The following CCDC90B variants were observed in gnomAD, a reference collection of about 807,000 sequenced individuals.
CCDC90B encodes coiled-coil domain containing 90B, also known as coiled-coil domain-containing protein 90B, mitochondrial.
In CCDC90B, 24 loss-of-function variants were observed where a neutral mutation model predicts 37.0. The observed-to-expected ratio is 0.65, with a 90% confidence interval of 0.47 to 0.91. The LOEUF (loss-of-function observed/expected upper bound fraction) is 0.91. CCDC90B is among the 40% of genes least tolerant of loss of function. CCDC90B has a pLI of 0.00. For missense variants in CCDC90B, 319 were observed against 299.0 expected, an observed-to-expected ratio of 1.07 and a Z score of -0.49; for synonymous variants, 113 against 101.1, an observed-to-expected ratio of 1.12 and a Z score of -0.71.
rs551718843 is a variant in CCDC90B, at chr11:83,260,442, T to C, written c.*1469A>G. The C allele has an allele frequency of 4.2e-4, 64 of 152,294 alleles. No homozygotes were observed. The highest frequency in any genetic ancestry group is 1.4e-3 in the African/African-American group (57 of 41,564). The allele number at this position is 152,294 out of a possible 1,614,324, so 9.4% of individuals were successfully genotyped here. On this transcript the variant is annotated 3_prime_UTR_variant, in exon 9 of 9. Transcript: ENST00000529689. ...ATATACTAAGAACTCTCTTAGGCAA[T>C]AGAGATAAAAATGAATCAGAATGTA...
chr11:83,265,779 T>G (rs1022249654), intron 8 of CCDC90B, 86 bp downstream of exon 8: 1 of 800,706 alleles, frequency 1.2e-6, no homozygotes, highest in Admixed American at 2.4e-5. Flanking sequence ...GCTCCTCCTT[T>G]TTTTCCTGTG....
chr11:83,284,220 C>T (rs1397745272), intron 1 of CCDC90B, among the ~76,000 whole-genome samples: 1 of 152,168 alleles, frequency 6.6e-6, no homozygotes, highest in Non-Finnish European at 1.5e-5. Flanking sequence ...AAAGGTTTAA[C>T]CAGTTTCACA....
At chr11:83,281,307 TATTG>T in intron 1 of CCDC90B, among the ~76,000 whole-genome samples, 1 of 152,198 alleles carries the variant, frequency 6.6e-6, no homozygotes. Flanking sequence ...GCCTAATGAA[TATTG>T]ATTGAGTGCT....
intron 7 of CCDC90B, among the ~76,000 whole-genome samples, chr11:83,267,972 T>A (rs1013843882): frequency 1.3e-5 from 2 of 151,988 alleles, no homozygotes; most frequent in Non-Finnish European, 2.9e-5. Context: ...CTTATAGAAT[T>A]TTCAACCCAG....
In CCDC90B at chr11:83,286,235, T is replaced by C; in HGVS notation, c.-263A>G. The C allele has an allele frequency of 6.7e-7, 1 of 1,498,830 alleles. No homozygotes were observed. The highest frequency in any genetic ancestry group is 9.0e-7 in the Non-Finnish European group (1 of 1,116,590). 92.8% of individuals were successfully genotyped at this position (1,498,830 alleles called of 1,614,324 possible). ...CGACCTTTGAACGCCTTCACCGCCC[T>C]AGGAAAGCGAGATCTTGTCAGAGAA... On this transcript the variant is annotated 5_prime_UTR_variant, in exon 1 of 9. It removes the in-frame stop codon of an upstream open reading frame in the 5' UTR. Coordinates refer to ENST00000529689, the MANE Select transcript of CCDC90B (RefSeq NM_021825.5).
chr11:83,281,614 A>T (rs1024135292), intron 1 of CCDC90B, among the ~76,000 whole-genome samples: 1 of 152,192 alleles, frequency 6.6e-6, no homozygotes, highest in Admixed American at 6.5e-5. Context: ...CTAGAAGGGT[A>T]AAGAACTATG....
At position 83,278,831 on chromosome 11, in the gene CCDC90B, T is replaced by A. The variant is rs1481728177; in HGVS notation, c.221-2A>T. 1 of 1,598,252 alleles carries A rather than the reference T, an allele frequency of 6.3e-7. No homozygotes were observed. Among genetic ancestry groups the A allele is most frequent in the African/African-American group, 1.3e-5 (1 of 74,726 alleles). On this transcript the variant is annotated splice_acceptor_variant, in intron 2 of 8. Coordinates refer to ENST00000529689, the MANE Select transcript of CCDC90B (RefSeq NM_021825.5). LOFTEE classifies it high-confidence loss of function. ...TTTCTGCTTGTGTTTTGTCAAATCC[T>A]GTAGGCAGCAAATAGGTATTTTATT... is the stretch of plus-strand genomic sequence containing the variant.
rs986427572 is a variant in CCDC90B at position 83,268,013 on chromosome 11, A to G, written c.595-2034T>C. 6.4e-4 allele frequency among the ~76,000 whole-genome samples: 98 copies of G among 152,176 alleles called. 1 individual carries two copies. Among genetic ancestry groups the G allele is most frequent in the African/African-American group, 2.3e-3 (95 of 41,436 alleles). On this transcript the variant is annotated intron_variant, in intron 7 of 8. Transcript: ENST00000529689. Reference sequence around the variant, plus strand: ...CATATCTAGCCAAACTAAGCCTCATAAGTGAAGGAGAAATAAAATCCTTTA... The same window carrying G: ...CATATCTAGCCAAACTAAGCCTCATGAGTGAAGGAGAAATAAAATCCTTTA...
intron 1 of CCDC90B, among the ~76,000 whole-genome samples, chr11:83,280,463 A>G (rs1227543697): frequency 6.6e-6 from 1 of 152,190 alleles, no homozygotes; most frequent in African/African-American, 2.4e-5. Context: ...CAAACATTCA[A>G]TAAATGTTTC....
At chr11:83,266,321 CG>C (rs1179426919) in intron 7 of CCDC90B, among the ~76,000 whole-genome samples, 3 of 152,194 alleles carry the variant, frequency 2.0e-5, no homozygotes, top group African/African-American at 7.2e-5. Flanking sequence ...ACCCTGGAAG[CG>C]CAAGGGGTCA....
intron 1 of CCDC90B, among the ~76,000 whole-genome samples, chr11:83,283,124 T>G (rs1430809863): frequency 6.6e-6 from 1 of 152,186 alleles, no homozygotes; most frequent in Admixed American, 6.5e-5. Context: ...AGGGACCACA[T>G]CTGTTCTTGC....
In CCDC90B at chr11:83,286,062, TG is replaced by T. The variant is rs1307179623; in HGVS notation, c.-91del. On this transcript the variant is annotated 5_prime_UTR_variant, in exon 1 of 9. It introduces an in-frame stop codon into an upstream open reading frame of the 5' UTR. Transcript: ENST00000529689. ...CAAGGTAGTTCTGGCACCACAGGAA[TG>T]CTGGGAATTGTAGTTTTCGCTCTGT... is the stretch of plus-strand genomic sequence containing the variant. The T allele has an allele frequency of 6.5e-7, 1 of 1,542,592 alleles. No homozygotes were observed. Among genetic ancestry groups the T allele is most frequent in the South Asian group, 1.2e-5 (1 of 84,122 alleles).
At chr11:83,276,157 AT>A (rs1401957814) in intron 3 of CCDC90B, among the ~76,000 whole-genome samples, 1 of 152,124 alleles carries the variant, frequency 6.6e-6, no homozygotes, top group Non-Finnish European at 1.5e-5. Flanking sequence ...TCTGCTTGAC[AT>A]ATTTTATGAG....
chr11:83,267,805 T>G (rs939840674), intron 7 of CCDC90B, among the ~76,000 whole-genome samples: 22 of 152,094 alleles, frequency 1.4e-4, no homozygotes, highest in Non-Finnish European at 2.5e-4. Context: ...GACACATAAT[T>G]ATCAGATTCA....
At position 83,259,389 on chromosome 11, in the gene CCDC90B, T is replaced by G. The variant is rs1371519013; in HGVS notation, c.*2522A>C. ...GGATCTAAAAGTAATGGGGACAGGG[T>G]ATGGTATGCATATTTCTATTCTTCT... On this transcript the variant is annotated 3_prime_UTR_variant, in exon 9 of 9. Transcript: ENST00000529689. The G allele has an allele frequency of 6.6e-6, 1 of 152,200 alleles. No homozygotes were observed. The highest frequency in any genetic ancestry group is 1.5e-5 in the Non-Finnish European group (1 of 68,038). The allele number at this position is 152,200 out of a possible 1,614,324, so 9.4% of individuals were successfully genotyped here.
rs1393934198 is a variant in CCDC90B, at chr11:83,261,315, C to T, written c.*596G>A. ...CTCCTGACCTCAAGTGATCCACCCG[C>T]CTCAGCCTCCCAAAGTGCTGAGATT... is the stretch of plus-strand genomic sequence containing the variant. On this transcript the variant is annotated 3_prime_UTR_variant, in exon 9 of 9. Transcript: ENST00000529689. The T allele has an allele frequency of 6.6e-6, 1 of 152,204 alleles. No individual in the cohort carries two copies. The highest frequency in any genetic ancestry group is 1.5e-5 in the Non-Finnish European group (1 of 68,064). 9.4% of individuals were successfully genotyped at this position (152,204 alleles called of 1,614,324 possible).
At chr11:83,266,144 A>G (rs1489921290) in intron 7 of CCDC90B, among the ~76,000 whole-genome samples, 165 bp from the exon 8 acceptor site, 1 of 152,192 alleles carries the variant, frequency 6.6e-6, no homozygotes, top group East Asian at 1.9e-4. Flanking sequence ...GTGTTCCAAG[A>G]TGGCCAAAAG....
intron 3 of CCDC90B, among the ~76,000 whole-genome samples, chr11:83,275,498 G>T (rs1864968841): frequency 6.7e-6 from 1 of 148,348 alleles, no homozygotes; most frequent in Non-Finnish European, 1.5e-5. Context: ...TGCTCAACTG[G>T]TAACTGTATT....
chr11:83,261,990 A>G (rs774191618), intron 8 of CCDC90B, 24 bp from the exon 9 acceptor site: 1 of 1,522,278 alleles, frequency 6.6e-7, no homozygotes, highest in Non-Finnish European at 9.0e-7. Context: ...AAACTGTGTT[A>G]TAGGTCTTGT....
Sources: gnomAD v4.1 joint callset for allele counts (sites outside exome capture counted in the v4.1 genomes callset) on GRCh38, gnomAD v4.1.1 for gene constraint, MANE v1.5 for transcripts, NCBI Gene and HGNC (gene_info 2026-07-23, HGNC 2026-07-21) for gene names.